LCMT1: variants seen among roughly 807,000 people sequenced by gnomAD.
LCMT1 encodes the protein leucine carboxyl methyltransferase 1, also known as [Phosphatase 2A protein]-leucine-carboxy methyltransferase 1.
In LCMT1, 32 loss-of-function variants were observed where a neutral mutation model predicts 47.7. The observed-to-expected ratio is 0.67, with a 90% confidence interval of 0.51 to 0.90. The LOEUF is 0.90. Ranked by LOEUF, LCMT1 falls within the 40% of genes least tolerant of loss-of-function variation. The pLI is 0.00. For missense variants in LCMT1, 375 were observed against 415.2 expected (o/e 0.90, Z 0.84); for synonymous variants, 152 against 149.7 (o/e 1.02, Z -0.11).
intron 1 of LCMT1, among the ~76,000 whole-genome samples, chr16:25,122,607 G>A (rs1349131489): frequency 2.6e-5 from 4 of 151,100 alleles, no homozygotes; most frequent in Non-Finnish European, 5.9e-5. Context: ...GGGATTACAG[G>A]TGCGAGCCAC....
At chr16:25,141,304 G>C (rs1411502282) in intron 4 of LCMT1, 1 of 152,224 alleles carries the variant, frequency 6.6e-6, no homozygotes, top group Non-Finnish European at 1.5e-5. Flanking sequence ...GAGCAGTAGA[G>C]TCATTACGAT....
rs1372112512 is a variant in LCMT1, at chr16:25,111,988, G to A, written c.105G>A (p.Leu35=). ...GCGGCACCTGCGAAGATGCTTCCCT[G>A]TGCAAGAGGTGCCTGTCGGGCGCGG... ...GVRGTCEDAS[L]CKRFAVSIGY... The change falls in exon 1 of 11, where the codon CTG becomes CTA. Residue 35 remains leucine (L), a synonymous_variant. Coordinates refer to ENST00000399069, the MANE Select transcript of LCMT1 (RefSeq NM_016309.3). The A allele has an allele frequency of 3.1e-6, 5 of 1,611,950 alleles. No homozygotes were observed. In the East Asian group the frequency reaches 8.9e-5, roughly 29 times the overall value.
chr16:25,143,785 A>G (rs1960766374), intron 4 of LCMT1: 1 of 152,174 alleles, frequency 6.6e-6, no homozygotes, highest in Non-Finnish European at 1.5e-5. Flanking sequence ...TCTGGTGAAT[A>G]TTTTATGGAC....
chr16:25,169,125 A>G lies in LCMT1; in HGVS notation c.704A>G (p.Asp235Gly). ...FINYEQVNMG[D>G]RFGQIMIENL... Reference sequence around the variant, plus strand: ...TTTCCCTCCTAGGTGAACATGGGTGATCGGTTTGGGCAGATCATGATTGAA... The same window carrying G: ...TTTCCCTCCTAGGTGAACATGGGTGGTCGGTTTGGGCAGATCATGATTGAA... Residue 235 changes from aspartate (D) to glycine (G), a missense_variant, in exon 8 of 11, where the codon GAT becomes GGT. Asp to Gly is a moderately conservative substitution (Grantham distance 94). Coordinates refer to ENST00000399069, the MANE Select transcript of LCMT1 (RefSeq NM_016309.3). 6.2e-7 allele frequency: 1 copy of G among 1,612,958 alleles called. No homozygotes were observed. Among genetic ancestry groups the G allele is most frequent in the Non-Finnish European group, 8.5e-7 (1 of 1,179,296 alleles).
chr16:25,174,561 T>A (rs934016376), intron 9 of LCMT1, among the ~76,000 whole-genome samples: 5 of 152,232 alleles, frequency 3.3e-5, no homozygotes. Context: ...ACCCCATTTT[T>A]AAAAATGGCT....
chr16:25,135,391 A>G lies in LCMT1; in HGVS notation c.327+2868A>G, dbSNP rs531954032. Among the ~76,000 whole-genome samples the G allele has an allele frequency of 8.4e-4, 128 of 152,204 alleles. 1 individual carries two copies. The highest frequency in any genetic ancestry group is 3.4e-3 in the Middle Eastern group (1 of 294). On this transcript the variant is annotated intron_variant, in intron 3 of 10. Coordinates refer to ENST00000399069, the MANE Select transcript of LCMT1 (RefSeq NM_016309.3). Reference sequence around the variant, plus strand: ...GGCCCACAGCCTGTTTTTGTAAATAAAGTTTTATTGGAAGGCAGCCACTCC... The same window carrying G: ...GGCCCACAGCCTGTTTTTGTAAATAGAGTTTTATTGGAAGGCAGCCACTCC...
At chr16:25,161,015 T>A (rs1961415858) in intron 5 of LCMT1, 87 bp from the exon 6 acceptor site, 1 of 805,230 alleles carries the variant, frequency 1.2e-6, no homozygotes, top group Non-Finnish European at 2.0e-6. Context: ...GATGCATGTA[T>A]TTTTATAGTA....
chr16:25,157,664 G>A (rs1038935488), intron 5 of LCMT1, among the ~76,000 whole-genome samples: 1 of 152,248 alleles, frequency 6.6e-6, no homozygotes, highest in Non-Finnish European at 1.5e-5. Flanking sequence ...CTGCTGCAAA[G>A]CATGTGGCTT....
At chr16:25,170,924 AAAC>A in intron 9 of LCMT1, 119 bp downstream of exon 9, 1 of 693,770 alleles carries the variant, frequency 1.4e-6, no homozygotes, top group Non-Finnish European at 2.4e-6. Flanking sequence ...AAAAAACAAA[AAAC>A]AAACAAACAA....
rs1597604650 is a variant in LCMT1, at chr16:25,169,118, A to G, written c.697A>G (p.Met233Val). 2 of 1,611,740 alleles carry G rather than the reference A, an allele frequency of 1.2e-6. No individual in the cohort carries two copies. Among genetic ancestry groups the G allele is most frequent in the African/African-American group, 1.3e-5 (1 of 75,008 alleles). Residue 233 changes from methionine to valine, a missense_variant, in exon 8 of 11, where the codon ATG becomes GTG. By Grantham distance (21) the Met-to-Val change is conservative (BLOSUM62 1). Coordinates refer to ENST00000399069, the MANE Select transcript of LCMT1 (RefSeq NM_016309.3). ...CCTTCTCTTTCCCTCCTAGGTGAAC[A>G]TGGGTGATCGGTTTGGGCAGATCAT... ...AMFINYEQVN[M>V]GDRFGQIMIE...
intron 6 of LCMT1, among the ~76,000 whole-genome samples, chr16:25,163,306 C>T (rs1318869722): frequency 6.6e-6 from 1 of 151,882 alleles, no homozygotes; most frequent in African/African-American, 2.4e-5. Flanking sequence ...GTCTCTACTA[C>T]AAATACAAAA....
At chr16:25,167,468 C>T (rs1190023617) in intron 7 of LCMT1, among the ~76,000 whole-genome samples, 1 of 151,812 alleles carries the variant, frequency 6.6e-6, no homozygotes, top group Non-Finnish European at 1.5e-5. Flanking sequence ...AGGTGCACAC[C>T]ACCACTCTTG....
At chr16:25,118,684 G>A (rs1353655647) in intron 1 of LCMT1, among the ~76,000 whole-genome samples, 1 of 152,150 alleles carries the variant, frequency 6.6e-6, no homozygotes, top group Non-Finnish European at 1.5e-5. Flanking sequence ...GGCTTGCAGG[G>A]GGCAGGAGTG....
intron 4 of LCMT1, chr16:25,142,920 G>A (rs989414146): frequency 1.3e-5 from 2 of 152,198 alleles, no homozygotes; most frequent in Non-Finnish European, 2.9e-5. Flanking sequence ...ATCGGGAGAG[G>A]TGTACCCAGC....
In LCMT1 at chr16:25,160,137, C is replaced by T. The variant is rs553982553; in HGVS notation, c.467-965C>T. 4.6e-5 allele frequency among the ~76,000 whole-genome samples: 7 copies of T among 151,984 alleles called. No homozygotes were observed. The South Asian group carries it at 1.2e-3, about 27-fold the overall frequency. On this transcript the variant is annotated intron_variant, in intron 5 of 10. Transcript: ENST00000399069. ...CTAATTTTTGTATTTTTAGTAGAGA[C>T]GGAGTTTTACCATGTTGGCCAGGAT...
chr16:25,176,662 A>G (rs1961954916), intron 10 of LCMT1, among the ~76,000 whole-genome samples: 1 of 131,050 alleles, frequency 7.6e-6, no homozygotes, highest in Non-Finnish European at 1.5e-5. Flanking sequence ...CCTGGGTTCA[A>G]GTGATTCTCC....
intron 3 of LCMT1, among the ~76,000 whole-genome samples, chr16:25,133,649 G>A (rs576730322): frequency 1.3e-5 from 2 of 148,314 alleles, no homozygotes; most frequent in Non-Finnish European, 3.0e-5. Flanking sequence ...TGCCTACCTC[G>A]GCCTCCCAAA....
intron 9 of LCMT1, 71 bp from the exon 10 acceptor site, chr16:25,174,866 C>T (rs184115190): frequency 2.8e-5 from 19 of 684,084 alleles, no homozygotes; most frequent in African/African-American, 3.7e-5. Context: ...TTTTCATATC[C>T]GTAGCTATGG....
At chr16:25,159,210 G>A in intron 5 of LCMT1, among the ~76,000 whole-genome samples, 1 of 152,186 alleles carries the variant, frequency 6.6e-6, no homozygotes. Context: ...TTTGTTATTT[G>A]CAAGAAGTTA....
Sources: allele counts gnomAD v4.1 joint callset (sites outside exome capture counted in the v4.1 genomes callset), GRCh38; gene constraint gnomAD v4.1.1; transcripts MANE v1.5; gene names NCBI Gene and HGNC (gene_info 2026-07-23, HGNC 2026-07-21).